The following MTA3 variants were observed in gnomAD, a reference collection of about 807,000 sequenced individuals.
The protein encoded by MTA3 is metastasis associated 1 family member 3.
Under a neutral mutation model 83.5 loss-of-function variants are expected in MTA3, and 34 were observed. The ratio of observed to expected loss-of-function variants is 0.41; its 90% confidence interval spans 0.31 to 0.54. The LOEUF is 0.54. Among genes scored for constraint, MTA3 ranks in the 20% least tolerant of loss-of-function variants. The probability of loss-of-function intolerance (pLI) is 0.33; values close to 1 mark genes in which losing one functional copy is unlikely to be tolerated. For missense variants in MTA3, 761 were observed against 726.4 expected, an observed-to-expected ratio of 1.05 and a Z score of -0.55; for synonymous variants, 303 against 252.7, an observed-to-expected ratio of 1.20 and a Z score of -1.89.
intron 4 of MTA3, among the ~76,000 whole-genome samples, chr2:42,624,306 TTTAA>T (rs1163599048): frequency 2.6e-5 from 4 of 152,202 alleles, no homozygotes; most frequent in African/African-American, 4.8e-5. Flanking sequence ...GTATATTAAC[TTTAA>T]TTTTTAATTT....
intron 16 of MTA3, among the ~76,000 whole-genome samples, chr2:42,724,276 A>AC (rs765265945): frequency 0.26 from 22,230 of 86,398 alleles, 2,363 homozygotes; most frequent in African/African-American, 0.35. Flanking sequence ...AAGTCCTGAA[A>AC]AACACACACA....
chr2:42,515,654 C>T (rs1675111500), intron 2 of MTA3, among the ~76,000 whole-genome samples: 1 of 151,564 alleles, frequency 6.6e-6, no homozygotes, highest in South Asian at 2.1e-4. Flanking sequence ...AGGTGTGCAC[C>T]ACCTCGCTCG....
At chr2:42,606,238 G>A (rs1214160232) in intron 3 of MTA3, among the ~76,000 whole-genome samples, 4 of 145,960 alleles carry the variant, frequency 2.7e-5, no homozygotes, top group South Asian at 2.2e-4. Context: ...TGGCTGCCGG[G>A]CGGAGACTCT....
At chr2:42,670,076 A>G (rs553021971) in intron 8 of MTA3, among the ~76,000 whole-genome samples, 338 of 152,294 alleles carry the variant, frequency 2.2e-3, no homozygotes, top group Non-Finnish European at 3.0e-3. Context: ...CCTGACCAAC[A>G]TGGTGAAACC....
chr2:42,611,341 C>CA lies in MTA3; in HGVS notation c.317+1757_317+1758insA, dbSNP rs1462110821. On this transcript the variant is annotated intron_variant, in intron 4 of 16. Coordinates refer to ENST00000405094, the MANE Select transcript of MTA3 (RefSeq NM_001330442.2). The stretch of plus-strand genomic sequence containing the variant: ...AACACATACACACACACACACACAC[C>CA]CCCTCACACACATGCTCCAATTCCT... Among the ~76,000 whole-genome samples the CA allele has an allele frequency of 7.5e-3, 1,115 of 149,624 alleles. 20 individuals carry two copies. The highest frequency in any genetic ancestry group is 0.026 in the African/African-American group (1,050 of 40,394).
chr2:42,524,486 T>TTTG (rs1558413279), intron 2 of MTA3, among the ~76,000 whole-genome samples: 4 of 146,234 alleles, frequency 2.7e-5, no homozygotes, highest in Non-Finnish European at 4.5e-5. Flanking sequence ...TTTTTTTTTT[T>TTTG]TTTTTTTTTT....
intron 2 of MTA3, among the ~76,000 whole-genome samples, chr2:42,573,718 C>T (rs954155042): frequency 2.0e-5 from 3 of 151,894 alleles, no homozygotes; most frequent in Non-Finnish European, 4.4e-5. Context: ...ACCATGTTGG[C>T]CAGGCTGGTC....
intron 3 of MTA3, among the ~76,000 whole-genome samples, chr2:42,600,741 A>T (rs1035476061): frequency 1.3e-5 from 2 of 152,014 alleles, no homozygotes; most frequent in African/African-American, 4.8e-5. Context: ...GGGTTTCGCC[A>T]TGTTGGCCAG....
intron 2 of MTA3, chr2:42,533,588 C>A (rs1445897006): frequency 3.5e-5 from 5 of 144,076 alleles, no homozygotes; most frequent in Admixed American, 2.8e-4. Flanking sequence ...AATCCCAGCA[C>A]TTTGGGAGGC....
intron 8 of MTA3, among the ~76,000 whole-genome samples, chr2:42,679,299 G>C (rs1691657616): frequency 6.6e-6 from 1 of 152,142 alleles, no homozygotes; most frequent in Non-Finnish European, 1.5e-5. Context: ...GTGAACCCCA[G>C]ATTTTATATT....
intron 8 of MTA3, among the ~76,000 whole-genome samples, chr2:42,675,641 A>C (rs1177744105): frequency 1.3e-5 from 2 of 152,296 alleles, no homozygotes; most frequent in East Asian, 3.9e-4. Flanking sequence ...CTTCTCTAAC[A>C]ATCAATTAGT....
intron 9 of MTA3, among the ~76,000 whole-genome samples, chr2:42,683,380 T>C (rs576051550): frequency 6.6e-6 from 1 of 152,310 alleles, no homozygotes; most frequent in African/African-American, 2.4e-5. Flanking sequence ...TGATCTTTGA[T>C]TCTTCTTAAT....
At chr2:42,531,445 CTTTTTTT>C (rs10659582) in intron 2 of MTA3, among the ~76,000 whole-genome samples, 123 of 75,352 alleles carry the variant, frequency 1.6e-3, no homozygotes, top group Admixed American at 4.3e-3. Flanking sequence ...GAAGCAAACT[CTTTTTTT>C]TTTTTTTTTT....
intron 14 of MTA3, among the ~76,000 whole-genome samples, chr2:42,712,274 A>C (rs545670582): frequency 9.9e-5 from 15 of 152,256 alleles, no homozygotes; most frequent in African/African-American, 3.6e-4. Flanking sequence ...GGGTGGGAAG[A>C]TTTACCACTC....
At chr2:42,684,945 G>A (rs1383575306) in intron 9 of MTA3, among the ~76,000 whole-genome samples, 1 of 152,214 alleles carries the variant, frequency 6.6e-6, no homozygotes, top group African/African-American at 2.4e-5. Flanking sequence ...ATGAACAAGT[G>A]TATAGGAATA....
At chr2:42,587,481 A>C (rs1158665880) in intron 3 of MTA3, among the ~76,000 whole-genome samples, 1 of 152,238 alleles carries the variant, frequency 6.6e-6, no homozygotes, top group East Asian at 1.9e-4. Flanking sequence ...TGTATGAAAT[A>C]AAATACATAC....
intron 6 of MTA3, among the ~76,000 whole-genome samples, chr2:42,653,134 A>G (rs1006861650): frequency 6.6e-6 from 1 of 152,206 alleles, no homozygotes; most frequent in African/African-American, 2.4e-5. Context: ...ACATTTCTTC[A>G]CAATTAAACG....
chr2:42,567,646 GTTT>G, upstream of MTA3, among the ~76,000 whole-genome samples: 1 of 144,288 alleles, frequency 6.9e-6, no homozygotes, highest in East Asian at 2.0e-4. Flanking sequence ...ATTCAACGTT[GTTT>G]TTTTTTTTTT....
At chr2:42,706,826 C>A (rs1024816629) in intron 12 of MTA3, among the ~76,000 whole-genome samples, 1 of 152,210 alleles carries the variant, frequency 6.6e-6, no homozygotes, top group Non-Finnish European at 1.5e-5. Flanking sequence ...TGCCCATGCT[C>A]ACTTCATATG....
Sources: gnomAD v4.1 joint callset for allele counts (sites outside exome capture counted in the v4.1 genomes callset) on GRCh38, gnomAD v4.1.1 for gene constraint, MANE v1.5 for transcripts, NCBI Gene and HGNC (gene_info 2026-07-23, HGNC 2026-07-21) for gene names.